The following GOLM2 variants were observed in gnomAD, a reference collection of about 807,000 sequenced individuals.
GOLM2 encodes the protein golgi membrane protein 2.
In GOLM2, 26 loss-of-function variants were observed where a neutral mutation model predicts 55.9. That is an observed-to-expected ratio of 0.47 (90% confidence interval 0.34 to 0.65). The LOEUF is 0.65. GOLM2 is among the 30% of genes least tolerant of loss of function. The pLI is 0.01. For missense variants in GOLM2, 486 were observed against 531.8 expected (o/e 0.91, Z 0.85); for synonymous variants, 165 against 194.6 (o/e 0.85, Z 1.27).
chr15:44,369,099 A>ATG (rs1161237789), intron 6 of GOLM2, among the ~76,000 whole-genome samples: 2 of 94,230 alleles, frequency 2.1e-5, no homozygotes, highest in Non-Finnish European at 4.4e-5. Context: ...ATATATATAT[A>ATG]TATATATATA....
At chr15:44,364,840 A>T (rs1303521005) in intron 6 of GOLM2, among the ~76,000 whole-genome samples, 1 of 152,230 alleles carries the variant, frequency 6.6e-6, no homozygotes, top group Non-Finnish European at 1.5e-5. Context: ...CTACTACAGT[A>T]GATTTTGGAC....
intron 6 of GOLM2, among the ~76,000 whole-genome samples, chr15:44,367,396 C>G (rs564034488): frequency 6.6e-6 from 1 of 152,260 alleles, no homozygotes; most frequent in South Asian, 2.1e-4. Context: ...AATTTTTCAA[C>G]TTTTATCTGA....
At chr15:44,310,502 C>CCACACACACA (rs34821071) in intron 1 of GOLM2, among the ~76,000 whole-genome samples, 177 of 124,694 alleles carry the variant, frequency 1.4e-3, no homozygotes, top group African/African-American at 4.8e-3. Context: ...ACACACACAC[C>CCACACACACA]CACACACACA....
intron 6 of GOLM2, among the ~76,000 whole-genome samples, chr15:44,372,425 G>A (rs545694110): frequency 6.6e-6 from 1 of 152,146 alleles, no homozygotes; most frequent in African/African-American, 2.4e-5. Flanking sequence ...GAAAAGGCAG[G>A]ATCAGTTCTT....
chr15:44,380,535 C>T (rs1275026961), intron 7 of GOLM2, among the ~76,000 whole-genome samples: 1 of 151,938 alleles, frequency 6.6e-6, no homozygotes, highest in Non-Finnish European at 1.5e-5. Context: ...TGGATTTCTA[C>T]TGTATATCTT....
At chr15:44,315,438 A>C (rs926422097) in intron 1 of GOLM2, among the ~76,000 whole-genome samples, 14 of 152,328 alleles carry the variant, frequency 9.2e-5, no homozygotes, top group Admixed American at 1.3e-4. Context: ...TGAGCTGTTA[A>C]GAGCTGCCAA....
At chr15:44,307,638 T>A (rs1485313068) in intron 1 of GOLM2, 3 of 152,192 alleles carry the variant, frequency 2.0e-5, no homozygotes, top group African/African-American at 7.2e-5. Flanking sequence ...CCATGTGGTA[T>A]GTGATAGGGA....
intron 8 of GOLM2, among the ~76,000 whole-genome samples, chr15:44,388,231 G>A (rs796182974): frequency 9.1e-5 from 12 of 131,996 alleles, no homozygotes; most frequent in African/African-American, 2.4e-4. Context: ...CCAAGATTGC[G>A]CCACTGTACT....
At chr15:44,326,654 G>GC (rs2078982971) in intron 2 of GOLM2, among the ~76,000 whole-genome samples, 1 of 133,496 alleles carries the variant, frequency 7.5e-6, no homozygotes, top group South Asian at 2.4e-4. Context: ...TTTATTTATA[G>GC]TTTTTTTTTT....
chr15:44,380,771 T>C, intron 7 of GOLM2, 35 bp from the exon 8 acceptor site: 1 of 1,336,288 alleles, frequency 7.5e-7, no homozygotes, highest in Non-Finnish European at 9.8e-7. Flanking sequence ...TTAAATTAAA[T>C]TATATTCTTT....
chr15:44,304,461 C>G (rs1383745387), intron 1 of GOLM2, among the ~76,000 whole-genome samples: 2 of 151,700 alleles, frequency 1.3e-5, no homozygotes, highest in African/African-American at 2.4e-5. Flanking sequence ...AGGCTGGTCT[C>G]AAACTCCTGA....
Position 44,349,661 on chromosome 15 carries a change from C to T in GOLM2, c.802+11344C>T, listed in dbSNP as rs538733899. Among the ~76,000 whole-genome samples, 34 of 152,322 alleles carry T rather than the reference C, an allele frequency of 2.2e-4. No individual in the cohort carries two copies. In the South Asian group the frequency reaches 5.8e-3, roughly 26 times the overall value. ...ATGGACCTAATAGATATTTACAGAA[C>T]ATTTCATCCAGTGGCTGCAGAATAC... On this transcript the variant is annotated intron_variant, in intron 6 of 9. Coordinates refer to ENST00000299957, the MANE Select transcript of GOLM2 (RefSeq NM_138423.4).
At chr15:44,409,315 C>T (rs2079619377) in intron 9 of GOLM2, among the ~76,000 whole-genome samples, 1 of 149,980 alleles carries the variant, frequency 6.7e-6, no homozygotes, top group African/African-American at 2.5e-5. Context: ...TGGCTGGGCG[C>T]GGTGGGTCAT....
chr15:44,313,705 ACTTTATAGTAATT>A (rs1444339676), intron 1 of GOLM2, among the ~76,000 whole-genome samples: 6 of 152,186 alleles, frequency 3.9e-5, no homozygotes, highest in Non-Finnish European at 7.3e-5. Flanking sequence ...AAATAAGTAA[ACTTTATAGTAATT>A]CTTTGTGATT....
intron 1 of GOLM2, among the ~76,000 whole-genome samples, chr15:44,320,655 G>C (rs1465306377): frequency 1.3e-5 from 2 of 152,080 alleles, no homozygotes; most frequent in Non-Finnish European, 2.9e-5. Context: ...ACTCGGGGGG[G>C]TGAAAAAGAG....
At chr15:44,351,002 G>T (rs1203931610) in intron 6 of GOLM2, among the ~76,000 whole-genome samples, 1 of 152,072 alleles carries the variant, frequency 6.6e-6, no homozygotes, top group Non-Finnish European at 1.5e-5. Context: ...GCCATATGTG[G>T]CAGACCCACA....
At position 44,349,623 on chromosome 15, in the gene GOLM2, C is replaced by T. The variant is rs554223524; in HGVS notation, c.802+11306C>T. On this transcript the variant is annotated intron_variant, in intron 6 of 9. Transcript: ENST00000299957. ...ACAAAGAAACATCAGACTTCATCTA[C>T]ACTATAGACCAAATGGACCTAATAG... 2.0e-5 allele frequency among the ~76,000 whole-genome samples: 3 copies of T among 152,284 alleles called. No individual in the cohort carries two copies. In the East Asian group the frequency reaches 5.8e-4, roughly 29 times the overall value.
intron 8 of GOLM2, among the ~76,000 whole-genome samples, chr15:44,383,026 C>A (rs894644286): frequency 6.0e-5 from 9 of 150,956 alleles, no homozygotes; most frequent in African/African-American, 2.2e-4. Context: ...TCAATGCATG[C>A]ACAATTTTGT....
At chr15:44,372,122 G>T (rs1461479272) in intron 6 of GOLM2, among the ~76,000 whole-genome samples, 1 of 152,156 alleles carries the variant, frequency 6.6e-6, no homozygotes, top group Non-Finnish European at 1.5e-5. Context: ...AGAAAATCTG[G>T]TCTAACTCCA....
Sources: allele counts gnomAD v4.1 joint callset (sites outside exome capture counted in the v4.1 genomes callset), GRCh38; gene constraint gnomAD v4.1.1; transcripts MANE v1.5; gene names NCBI Gene and HGNC (gene_info 2026-07-23, HGNC 2026-07-21).